The following PTPRD variants were observed in gnomAD, a reference collection of about 807,000 sequenced individuals.
PTPRD encodes receptor-type tyrosine-protein phosphatase delta.
PTPRD carries 34 observed loss-of-function variants against 214.5 expected under a neutral mutation model. The ratio of observed to expected loss-of-function variants is 0.16; its 90% CI spans 0.12 to 0.21. The LOEUF is 0.21. PTPRD is among the 10% of genes least tolerant of loss of function. PTPRD has a pLI of 1.00. For missense variants in PTPRD, 2,545 were observed against 2,398.7 expected (o/e 1.06, Z -1.27); for synonymous variants, 1,128 against 845.7 (o/e 1.33, Z -5.79).
intron 8 of PTPRD, among the ~76,000 whole-genome samples, chr9:9,494,508 C>T (rs2096077946): frequency 6.6e-6 from 1 of 152,186 alleles, no homozygotes; most frequent in Non-Finnish European, 1.5e-5. Flanking sequence ...AGAGCCTCCA[C>T]CGGCAAAATG....
intron 9 of PTPRD, among the ~76,000 whole-genome samples, chr9:9,188,246 T>C (rs1410820943): frequency 2.0e-5 from 3 of 152,100 alleles, no homozygotes; most frequent in Non-Finnish European, 1.5e-5. Flanking sequence ...TATCTGAATA[T>C]ACAGTGCCAT....
chr9:9,662,520 T>G (rs975502615), intron 7 of PTPRD, among the ~76,000 whole-genome samples: 2 of 151,702 alleles, frequency 1.3e-5, no homozygotes, highest in Non-Finnish European at 3.0e-5. Context: ...ATGGCATTCC[T>G]TATTATTTTA....
At chr9:9,591,689 T>C (rs1351323778) in intron 7 of PTPRD, among the ~76,000 whole-genome samples, 1 of 152,072 alleles carries the variant, frequency 6.6e-6, no homozygotes, top group Non-Finnish European at 1.5e-5. Context: ...CAGTTTTAAT[T>C]GACACATAAG....
At chr9:10,038,735 ATATT>A (rs1411142935) in intron 3 of PTPRD, among the ~76,000 whole-genome samples, 1 of 152,044 alleles carries the variant, frequency 6.6e-6, no homozygotes, top group Non-Finnish European at 1.5e-5. Flanking sequence ...GACTCACTTT[ATATT>A]TTTCTTTTAT....
In PTPRD at chr9:9,078,377, T is replaced by G. The variant is rs564981351; in HGVS notation, c.-142-59642A>C. ...TCAAAAACAAAATTACAACATTCCT[T>G]TCCAGAATTTTGCAGTAAATAATTA... On this transcript the variant is annotated intron_variant, in intron 10 of 45. Coordinates refer to ENST00000381196, the MANE Select transcript of PTPRD (RefSeq NM_002839.4). Among the ~76,000 whole-genome samples the G allele has an allele frequency of 3.9e-5, 6 of 152,210 alleles. No homozygotes were observed. The South Asian group carries it at 1.2e-3, about 32-fold the overall frequency.
chr9:9,461,735 C>A (rs1190338926), intron 8 of PTPRD, among the ~76,000 whole-genome samples: 2 of 151,986 alleles, frequency 1.3e-5, no homozygotes, highest in African/African-American at 4.8e-5. Context: ...AATTTATGGG[C>A]CAGATTGAGG....
intron 7 of PTPRD, among the ~76,000 whole-genome samples, chr9:9,677,341 A>C (rs1246512294): frequency 1.3e-5 from 2 of 151,926 alleles, no homozygotes; most frequent in Non-Finnish European, 2.9e-5. Flanking sequence ...TCAGCTTTCT[A>C]CATATGGCTA....
At chr9:9,848,639 A>G (rs1246060230) in intron 5 of PTPRD, among the ~76,000 whole-genome samples, 3 of 152,118 alleles carry the variant, frequency 2.0e-5, no homozygotes, top group Non-Finnish European at 4.4e-5. Context: ...TATATTTTCT[A>G]TGTATTCAGT....
chr9:9,461,139 G>C (rs1031514715), intron 8 of PTPRD, among the ~76,000 whole-genome samples: 1 of 151,786 alleles, frequency 6.6e-6, no homozygotes, highest in Non-Finnish European at 1.5e-5. Flanking sequence ...TGAACATAAA[G>C]ACAGAAGTAA....
At chr9:8,836,803 G>A (rs2097434979) in intron 11 of PTPRD, among the ~76,000 whole-genome samples, 1 of 151,202 alleles carries the variant, frequency 6.6e-6, no homozygotes, top group African/African-American at 2.4e-5. Flanking sequence ...TCACCATGTT[G>A]GCCAGGATGG....
chr9:10,224,480 A>C (rs2099582179), intron 3 of PTPRD, among the ~76,000 whole-genome samples: 1 of 151,890 alleles, frequency 6.6e-6, no homozygotes, highest in African/African-American at 2.4e-5. Context: ...AATTTTTAAA[A>C]CTCTTTACAG....
chr9:9,432,964 A>C (rs2083795552), intron 8 of PTPRD, among the ~76,000 whole-genome samples: 1 of 152,180 alleles, frequency 6.6e-6, no homozygotes, highest in East Asian at 1.9e-4. Flanking sequence ...CCTCAGATTC[A>C]GAGGCCGCTG....
At chr9:10,417,200 GT>G (rs2098499731) in intron 2 of PTPRD, among the ~76,000 whole-genome samples, 1 of 151,888 alleles carries the variant, frequency 6.6e-6, no homozygotes, top group African/African-American at 2.4e-5. Context: ...AAGGAACATA[GT>G]TCAACCTAGT....
chr9:8,499,216 A>G (rs10115201), intron 25 of PTPRD, among the ~76,000 whole-genome samples: 20,601 of 152,160 alleles, frequency 0.14, 1,723 homozygotes, highest in African/African-American at 0.24. Context: ...AAAAATGTCT[A>G]TTCTTCAGTG....
intron 18 of PTPRD, 129 bp from the exon 19 acceptor site, chr9:8,523,653 C>G: frequency 6.5e-6 from 6 of 921,474 alleles, no homozygotes; most frequent in South Asian, 1.7e-5. Context: ...TTTATTCGCT[C>G]TAGTTCATCC....
At chr9:9,227,244 T>C (rs2099960065) in intron 9 of PTPRD, among the ~76,000 whole-genome samples, 1 of 152,104 alleles carries the variant, frequency 6.6e-6, no homozygotes. Flanking sequence ...TTCCATTTCT[T>C]TTTTCATACA....
chr9:9,934,355 A>T (rs1303413413), intron 5 of PTPRD, among the ~76,000 whole-genome samples: 1 of 150,556 alleles, frequency 6.6e-6, no homozygotes, highest in Non-Finnish European at 1.5e-5. Context: ...GAAAAGAGAG[A>T]AGAATCAAAT....
intron 9 of PTPRD, among the ~76,000 whole-genome samples, chr9:9,301,836 C>T (rs10816087): frequency 0.033 from 5,071 of 151,894 alleles, 105 homozygotes; most frequent in Non-Finnish European, 0.052. Context: ...CTAGAATTTC[C>T]CAAATTCATA....
intron 5 of PTPRD, among the ~76,000 whole-genome samples, chr9:9,824,775 A>G (rs909122194): frequency 2.6e-5 from 4 of 152,106 alleles, no homozygotes; most frequent in Non-Finnish European, 4.4e-5. Flanking sequence ...TGAGTCTTCA[A>G]TACAAGTTGT....
Sources: allele counts gnomAD v4.1 joint callset (sites outside exome capture counted in the v4.1 genomes callset), GRCh38; gene constraint gnomAD v4.1.1; transcripts MANE v1.5; gene names NCBI Gene and HGNC (gene_info 2026-07-23, HGNC 2026-07-21).